The following DMD variants were observed in gnomAD, a reference collection of about 807,000 sequenced individuals.
DMD encodes the protein dystrophin, also known as mutant dystrophin.
In DMD, 63 loss-of-function variants were observed where a neutral mutation model predicts 330.1. The observed-to-expected ratio is 0.19, with a 90% CI of 0.16 to 0.24. DMD has a LOEUF of 0.24. Ranked by LOEUF, DMD falls within the 10% of genes least tolerant of loss-of-function variation. DMD has a pLI of 1.00. For synonymous variants in DMD, 1,223 were observed against 959.8 expected, an observed-to-expected ratio of 1.27 and a Z score of -5.07; for missense variants, 3,344 against 2,684.1, an observed-to-expected ratio of 1.25 and a Z score of -5.43.
intron 61 of DMD, among the ~76,000 whole-genome samples, chrX:31,333,581 T>C (rs951404174): frequency 2.9e-4 from 32 of 110,197 alleles, no homozygotes; most frequent in African/African-American, 9.2e-4. Flanking sequence ...TTTCCCTTGA[T>C]AGCTGGTCTA....
intron 1 of DMD, among the ~76,000 whole-genome samples, chrX:33,092,539 G>A (rs2095099206): frequency 9.0e-6 from 1 of 111,071 alleles, no homozygotes. Context: ...TTTATAATTG[G>A]TCTTATTTTC....
intron 1 of DMD, among the ~76,000 whole-genome samples, chrX:33,146,610 G>A (rs896242687): frequency 9.0e-6 from 1 of 110,696 alleles, no homozygotes; most frequent in African/African-American, 3.3e-5. Flanking sequence ...AGGATTCCAA[G>A]TCGGGCTTTT....
chrX:31,757,508 T>C (rs2089213727), intron 51 of DMD, among the ~76,000 whole-genome samples: 1 of 111,467 alleles, frequency 9.0e-6, no homozygotes, highest in African/African-American at 3.3e-5. Flanking sequence ...ACAGAATTTA[T>C]TGCTTATAGT....
At chrX:32,867,023 C>G (rs1243931866) in intron 2 of DMD, among the ~76,000 whole-genome samples, 1 of 111,664 alleles carries the variant, frequency 9.0e-6, no homozygotes, top group Admixed American at 9.5e-5. Context: ...CCTGAACCAC[C>G]GTACCCGGCC....
chrX:32,332,947 C>A (rs1014278506), intron 41 of DMD, among the ~76,000 whole-genome samples: 2 of 109,801 alleles, frequency 1.8e-5, no homozygotes, highest in Non-Finnish European at 3.8e-5. Flanking sequence ...AACAGCAAGA[C>A]ATATATAGAA....
At chrX:33,131,434 G>T (rs770528421) in intron 1 of DMD, among the ~76,000 whole-genome samples, 1 of 111,794 alleles carries the variant, frequency 8.9e-6, no homozygotes, top group African/African-American at 3.3e-5. Context: ...ATCAAATTAG[G>T]TGCTCATCAG....
intron 1 of DMD, among the ~76,000 whole-genome samples, chrX:33,199,023 T>G (rs1369679323): frequency 9.1e-6 from 1 of 109,716 alleles, no homozygotes; most frequent in Admixed American, 9.7e-5. Context: ...AAAGGAAACA[T>G]GATGGGAAAT....
At chrX:33,262,960 C>CA (rs1423036236) in intron 1 of DMD, among the ~76,000 whole-genome samples, 2 of 108,528 alleles carry the variant, frequency 1.8e-5, no homozygotes, top group African/African-American at 6.7e-5. Context: ...ATACATTGAT[C>CA]AAAAAACAAA....
rs765552176 is a variant in DMD, at chrX:32,787,922, C to G, written c.649+21571G>C. Reference sequence around the variant, plus strand: ...ACAACATTCCAGTTATTTGACATAACTTTAGCTACTGTTTCTGGGCTCATA... The same window carrying G: ...ACAACATTCCAGTTATTTGACATAAGTTTAGCTACTGTTTCTGGGCTCATA... On this transcript the variant is annotated intron_variant, in intron 7 of 78. Transcript: ENST00000357033. 3.6e-5 allele frequency among the ~76,000 whole-genome samples: 4 copies of G among 111,536 alleles called. 1 individual carries two copies. The highest frequency in any genetic ancestry group is 7.5e-5 in the Non-Finnish European group (4 of 53,134).
At chrX:33,060,910 G>A (rs1216802245) in intron 1 of DMD, among the ~76,000 whole-genome samples, 2 of 110,492 alleles carry the variant, frequency 1.8e-5, no homozygotes, top group African/African-American at 3.3e-5. Context: ...CCTTTGTGAC[G>A]TAGGTTCAGA....
chrX:31,939,399 A>C (rs1256581598), intron 45 of DMD, among the ~76,000 whole-genome samples: 1 of 112,014 alleles, frequency 8.9e-6, no homozygotes, highest in African/African-American at 3.2e-5. Context: ...TAAGGAAATG[A>C]TTAGCAACTT....
intron 47 of DMD, among the ~76,000 whole-genome samples, chrX:31,897,861 C>A (rs1419029081): frequency 9.1e-6 from 1 of 109,951 alleles, no homozygotes; most frequent in Non-Finnish European, 1.9e-5. Flanking sequence ...AATTTTCTCC[C>A]ATTTTGTAGG....
intron 29 of DMD, among the ~76,000 whole-genome samples, chrX:32,416,660 G>A (rs781742812): frequency 5.0e-4 from 56 of 112,070 alleles, no homozygotes; most frequent in Non-Finnish European, 6.0e-4. Context: ...CTTGCAGAAA[G>A]TAGAGCAATA....
rs755283329 is a variant in DMD, at chrX:33,086,258, C to T, written c.32-66058G>A. Among the ~76,000 whole-genome samples, 4 of 111,673 alleles carry T rather than the reference C, an allele frequency of 3.6e-5. No homozygotes were observed. In the Admixed American group the frequency reaches 3.8e-4, roughly 11 times the overall value. ...GACTATCATTCAAAGGTTTGCTATA[C>T]AGAAAGAGAAAAATACCAAAATGCT... On this transcript the variant is annotated intron_variant, in intron 1 of 78. Transcript: ENST00000357033.
intron 50 of DMD, among the ~76,000 whole-genome samples, chrX:31,785,337 G>A (rs1239474230): frequency 8.9e-6 from 1 of 111,962 alleles, no homozygotes; most frequent in African/African-American, 3.2e-5. Context: ...GGATTTGAGA[G>A]ATGAAAACAT....
chrX:32,019,170 T>A (rs1475460636), intron 44 of DMD, among the ~76,000 whole-genome samples: 1 of 110,390 alleles, frequency 9.1e-6, no homozygotes, highest in African/African-American at 3.3e-5. Context: ...TGTTCTCTTG[T>A]GATGAGAAAG....
At chrX:32,799,265 G>C (rs1472146066) in intron 7 of DMD, among the ~76,000 whole-genome samples, 1 of 110,747 alleles carries the variant, frequency 9.0e-6, no homozygotes, top group African/African-American at 3.3e-5. Context: ...AAAATAAAGG[G>C]GATTAAAACC....
intron 60 of DMD, among the ~76,000 whole-genome samples, chrX:31,367,723 C>G (rs1286309072): frequency 8.9e-6 from 1 of 111,967 alleles, no homozygotes; most frequent in African/African-American, 3.2e-5. Flanking sequence ...TACAAATGCT[C>G]TGGCATATCA....
At chrX:32,702,601 A>T (rs181325084) in intron 7 of DMD, among the ~76,000 whole-genome samples, 1 of 111,603 alleles carries the variant, frequency 9.0e-6, no homozygotes, top group African/African-American at 3.3e-5. Context: ...TGAGAGGGTG[A>T]CACCATCAAA....
Sources: gnomAD v4.1 joint callset for allele counts (sites outside exome capture counted in the v4.1 genomes callset) on GRCh38, gnomAD v4.1.1 for gene constraint, MANE v1.5 for transcripts, NCBI Gene and HGNC (gene_info 2026-07-23, HGNC 2026-07-21) for gene names.